The following SHLD2 variants were observed in gnomAD, a reference collection of about 807,000 sequenced individuals.
The protein encoded by SHLD2 is RINN1-REV7-interacting novel NHEJ regulator 2.
Under a neutral mutation model 73.2 loss-of-function variants are expected in SHLD2, and 30 were observed. The observed-to-expected ratio is 0.41, with a 90% CI of 0.31 to 0.56. SHLD2 has a LOEUF of 0.56. Among genes scored for constraint, SHLD2 ranks in the 20% least tolerant of loss-of-function variants. The probability of loss-of-function intolerance (pLI) is 0.28; values close to 1 mark genes in which losing one functional copy is unlikely to be tolerated. For synonymous variants in SHLD2, 285 were observed against 370.1 expected (o/e 0.77, Z 2.64); for missense variants, 745 against 1,055.9 (o/e 0.71, Z 4.08).
In SHLD2 at chr10:87,176,341, A is replaced by T. The variant is rs537971899; in HGVS notation, c.2170+246A>T. On this transcript the variant is annotated intron_variant, in intron 7 of 9. Transcript: ENST00000298786. ...TTATTTATTATTTTGGCAGAGACAGAGTCTCCCTATGTTGCCCAGTCTGGT... is the reference window on the plus strand; with the variant it reads ...TTATTTATTATTTTGGCAGAGACAGTGTCTCCCTATGTTGCCCAGTCTGGT... Among the ~76,000 whole-genome samples the T allele has an allele frequency of 7.3e-3, 1,115 of 152,214 alleles. 14 individuals are homozygous for T. The highest frequency in any genetic ancestry group is 0.025 in the African/African-American group (1,038 of 41,528).
intron 2 of SHLD2, among the ~76,000 whole-genome samples, chr10:87,142,922 CTT>C (rs71269253): frequency 2.5e-4 from 21 of 83,164 alleles, no homozygotes; most frequent in African/African-American, 5.5e-4. Context: ...TTTATTTTTA[CTT>C]TTTTTTTTTT....
intron 2 of SHLD2, among the ~76,000 whole-genome samples, chr10:87,147,056 C>CAAAAAAAAAAAAAAATA (rs1237507855): frequency 2.3e-5 from 1 of 43,786 alleles, no homozygotes; most frequent in Non-Finnish European, 4.7e-5. Context: ...GACTCTGTCT[C>CAAAAAAAAAAAAAAATA]AAAAAAAAAA....
chr10:87,112,074 A>G (rs1426704965), intron 2 of SHLD2, among the ~76,000 whole-genome samples: 1 of 151,604 alleles, frequency 6.6e-6, no homozygotes, highest in Non-Finnish European at 1.5e-5. Flanking sequence ...CGTCTCTACT[A>G]AAAATAGAAA....
chr10:87,094,854 G>A (rs917935529), upstream of SHLD2: 2 of 1,107,768 alleles, frequency 1.8e-6, no homozygotes, highest in Non-Finnish European at 2.5e-6. This position sits in a 1 kb window ranked among gnomAD's most constrained non-coding sequence, Gnocchi z 6.6. Context: ...GAAGGGTCCC[G>A]CGCGGGTTGC....
intron 2 of SHLD2, among the ~76,000 whole-genome samples, chr10:87,149,729 T>C (rs1845879697): frequency 2.6e-5 from 4 of 151,628 alleles, no homozygotes; most frequent in Admixed American, 2.6e-4. Context: ...TGTCTCTAAA[T>C]AAATAAATAA....
chr10:87,097,451 G>C (rs755125055), intron 2 of SHLD2, among the ~76,000 whole-genome samples: 1 of 152,008 alleles, frequency 6.6e-6, no homozygotes, highest in African/African-American at 2.4e-5. Flanking sequence ...AATTAGCCAG[G>C]CGTGGTGGCG....
At chr10:87,140,732 A>G (rs1845133009) in intron 2 of SHLD2, among the ~76,000 whole-genome samples, 1 of 151,936 alleles carries the variant, frequency 6.6e-6, no homozygotes, top group Non-Finnish European at 1.5e-5. Flanking sequence ...TAATCCTAAC[A>G]CTTTGGGATG....
At position 87,175,900 on chromosome 10, in the gene SHLD2, G is replaced by A; in HGVS notation, c.1975G>A (p.Glu659Lys). 2 of 1,549,602 alleles carry A rather than the reference G, an allele frequency of 1.3e-6. No homozygotes were observed. Among genetic ancestry groups the A allele is most frequent in the East Asian group, 4.9e-5 (2 of 40,862 alleles). ...CTGTTTTTTTTAAGGTTATATTTGGGAATTTAAATATCTTTTTGTTCAGTG... is the reference window on the plus strand; with the variant it reads ...CTGTTTTTTTTAAGGTTATATTTGGAAATTTAAATATCTTTTTGTTCAGTG... ...QLQRKKGYIW[E>K]FKYLFVQCNY... Residue 659 changes from glutamate (E) to lysine (K), a missense_variant, in exon 7 of 10, where the codon GAA becomes AAA. This residue lies in a region of SHLD2 where 418 missense variants were observed against 567.8 expected (regional missense o/e 0.74). Transcript: ENST00000298786.
At chr10:87,183,687 AG>A (rs1231812669) in intron 8 of SHLD2, among the ~76,000 whole-genome samples, 5 of 152,170 alleles carry the variant, frequency 3.3e-5, no homozygotes, top group African/African-American at 1.2e-4. Context: ...ACCATGCTGC[AG>A]AAGCTGCTTT....
intron 2 of SHLD2, among the ~76,000 whole-genome samples, chr10:87,136,796 G>A (rs1844831594): frequency 6.6e-6 from 1 of 152,022 alleles, no homozygotes; most frequent in Non-Finnish European, 1.5e-5. Context: ...AAAAATTGGT[G>A]GCTTGGCTAT....
intron 4 of SHLD2, among the ~76,000 whole-genome samples, chr10:87,167,826 G>A (rs967642374): frequency 6.6e-6 from 1 of 151,988 alleles, no homozygotes; most frequent in African/African-American, 2.4e-5. Context: ...TGTATTTTTT[G>A]TAGAGACCAG....
At chr10:87,120,254 A>ATTTT (rs764204596) in intron 2 of SHLD2, among the ~76,000 whole-genome samples, 6,799 of 149,490 alleles carry the variant, frequency 0.045, 350 homozygotes, top group African/African-American at 0.12. Flanking sequence ...TTATTTATTT[A>ATTTT]TTTATTTTTT....
intron 2 of SHLD2, among the ~76,000 whole-genome samples, chr10:87,134,748 C>T (rs528697365): frequency 3.9e-5 from 6 of 152,184 alleles, no homozygotes; most frequent in Non-Finnish European, 8.8e-5. Context: ...AGAGATAACT[C>T]TCACCCCACA....
At chr10:87,119,392 A>C (rs988806354) in intron 2 of SHLD2, among the ~76,000 whole-genome samples, 5 of 152,068 alleles carry the variant, frequency 3.3e-5, no homozygotes, top group African/African-American at 1.2e-4. Flanking sequence ...AGAATGCTTA[A>C]TGGTTTAAAT....
upstream of SHLD2, chr10:87,094,641 C>T: frequency 1.9e-6 from 3 of 1,605,846 alleles, no homozygotes; most frequent in Non-Finnish European, 2.5e-6. The surrounding 1 kb of genome is among the most constrained non-coding windows in gnomAD (Gnocchi z 6.6). Flanking sequence ...ATGCCAGCCC[C>T]GGCTGCGGGG....
At chr10:87,102,947 C>T (rs893833852) in intron 2 of SHLD2, among the ~76,000 whole-genome samples, 2 of 152,020 alleles carry the variant, frequency 1.3e-5, no homozygotes, top group African/African-American at 4.8e-5. Flanking sequence ...CGTGGTGGCT[C>T]GCTCCTGTAA....
At chr10:87,112,701 A>G (rs1173610943) in intron 2 of SHLD2, among the ~76,000 whole-genome samples, 2 of 149,310 alleles carry the variant, frequency 1.3e-5, no homozygotes, top group African/African-American at 4.9e-5. Context: ...AATGACTATA[A>G]TAACTTAAAT....
chr10:87,140,124 A>G (rs1020968842), intron 2 of SHLD2, among the ~76,000 whole-genome samples: 2 of 152,136 alleles, frequency 1.3e-5, no homozygotes, highest in Non-Finnish European at 2.9e-5. Flanking sequence ...TACTTTAGGA[A>G]ATAGTGTCTG....
chr10:87,104,391 A>G (rs998884225), intron 2 of SHLD2, among the ~76,000 whole-genome samples: 1 of 151,858 alleles, frequency 6.6e-6, no homozygotes, highest in Admixed American at 6.6e-5. Context: ...CTACAAAAAT[A>G]CAAAAATTAG....
Sources: allele counts gnomAD v4.1 joint callset (sites outside exome capture counted in the v4.1 genomes callset), GRCh38; gene constraint gnomAD v4.1.1; regional missense constraint gnomAD v4.1.1; non-coding constraint Gnocchi (gnomAD v3.1); transcripts MANE v1.5; gene names NCBI Gene and HGNC (gene_info 2026-07-23, HGNC 2026-07-21).